The following HTT variants were observed in gnomAD, a reference collection of about 807,000 sequenced individuals.
HTT encodes huntingtin.
In HTT, 104 loss-of-function variants were observed where a neutral mutation model predicts 362.3. That is an observed-to-expected ratio of 0.29 (90% confidence interval 0.24 to 0.34). The LOEUF is 0.34. Ranked by LOEUF, HTT falls within the 10% of genes least tolerant of loss-of-function variation. The pLI is 1.00. For synonymous variants in HTT, 1,577 were observed against 1,548.7 expected (o/e 1.02, Z -0.43); for missense variants, 3,301 against 3,928.6 (o/e 0.84, Z 4.27).
rs1395807606 is a variant in HTT at position 3,215,148 on chromosome 4, A to G, written c.6991A>G (p.Arg2331Gly). 2 of 1,614,208 alleles carry G rather than the reference A, an allele frequency of 1.2e-6. No individual in the cohort carries two copies. Among genetic ancestry groups the G allele is most frequent in the Middle Eastern group, 1.6e-4 (1 of 6,062 alleles). Reference sequence around the variant, plus strand: ...TGGAGAGCAGCTTCTTAGTCCAGAAAGAAGGACAAATACCCCAAAAGCCAT... The same window carrying G: ...TGGAGAGCAGCTTCTTAGTCCAGAAGGAAGGACAAATACCCCAAAAGCCAT... ...QPGEQLLSPE[R>G]RTNTPKAISE... Residue 2331 changes from arginine (R) to glycine (G), a missense_variant, in exon 51 of 67, where the codon AGA (arginine) becomes GGA (glycine). Physicochemically the swap from Arg to Gly is moderately radical, Grantham distance 125. Around this residue, in one of 4 missense-constraint regions of HTT, gnomAD observed 220 missense variants for 218.5 expected, o/e 1.01. Transcript: ENST00000355072.
At chr4:3,119,769 C>T (rs918042710) in intron 8 of HTT, among the ~76,000 whole-genome samples, 3 of 152,084 alleles carry the variant, frequency 2.0e-5, no homozygotes, top group Non-Finnish European at 2.9e-5. Context: ...GTGCTGATTT[C>T]CTTATTACAT....
At chr4:3,116,569 T>A (rs368912641) in intron 8 of HTT, among the ~76,000 whole-genome samples, 1 of 152,230 alleles carries the variant, frequency 6.6e-6, no homozygotes, top group East Asian at 1.9e-4. Context: ...AAATACTGAT[T>A]GAGCACCCAC....
At chr4:3,090,649 C>T (rs1235636314) in intron 2 of HTT, among the ~76,000 whole-genome samples, 1 of 152,094 alleles carries the variant, frequency 6.6e-6, no homozygotes, top group Non-Finnish European at 1.5e-5. Context: ...GTTAATGTTT[C>T]TGAAAGATAT....
rs363125 is a variant in HTT, at chr4:3,187,820, C to A, written c.5159C>A (p.Thr1720Asn). 191,992 of 1,611,318 alleles carry A rather than the reference C, an allele frequency of 0.12. 16,012 individuals carry two copies. Among genetic ancestry groups the A allele is most frequent in the African/African-American group, 0.43 (32,352 of 74,772 alleles). The change falls in exon 39 of 67, where the codon ACT becomes AAT. Residue 1720 changes from threonine (T) to asparagine (N), a missense_variant. By Grantham distance (65) the Thr-to-Asn change is moderately conservative. Coordinates refer to ENST00000355072, the MANE Select transcript of HTT (RefSeq NM_001388492.1). ...VINRLRDGDS[T>N]STLEEHSEGK... ...AATAGGTTAAGAGATGGGGACAGTA[C>A]TTCAACGCTAGAAGAACACAGTGAA...
At chr4:3,161,783 C>T (rs1191228667) in intron 29 of HTT, among the ~76,000 whole-genome samples, 9 of 151,458 alleles carry the variant, frequency 5.9e-5, no homozygotes, top group East Asian at 3.9e-4. Context: ...GCTTTTTTTT[C>T]GTAAATTTGT....
intron 15 of HTT, 78 bp from the exon 16 acceptor site, chr4:3,131,560 G>C (rs1339501092): frequency 5.7e-6 from 9 of 1,578,930 alleles, no homozygotes; most frequent in Middle Eastern, 1.7e-4. Flanking sequence ...GAGCAGGTAG[G>C]TTATTGGGTC....
intron 1 of HTT, among the ~76,000 whole-genome samples, chr4:3,075,902 A>G (rs1712523750): frequency 1.3e-5 from 2 of 152,174 alleles, no homozygotes; most frequent in African/African-American, 4.8e-5. Context: ...TAATGAAATT[A>G]TCTTAAATAT....
Position 3,228,491 on chromosome 4 carries a change from C to T in HTT, c.7849-124C>T, listed in dbSNP as rs920579361. 15 of 1,139,718 alleles carry T rather than the reference C, an allele frequency of 1.3e-5. No homozygotes were observed. Among genetic ancestry groups the T allele is most frequent in the Admixed American group, 2.7e-5 (1 of 37,076 alleles). 70.6% of individuals were successfully genotyped at this position (1,139,718 alleles called of 1,614,324 possible). On this transcript the variant is annotated intron_variant, in intron 57 of 66. Coordinates refer to ENST00000355072, the MANE Select transcript of HTT (RefSeq NM_001388492.1). The surrounding 1 kb of genome is among the most constrained non-coding windows in gnomAD (Gnocchi z 4.3). ...TTGCCCGTAACCTGGGGTGTCTGAA[C>T]GACCCTTGCTAAGGGGCAGACTGTT...
rs1411455024 is a variant in HTT at position 3,218,632 on chromosome 4, CAA to C, written c.7242+691_7242+692del. 7.3e-6 allele frequency among the ~76,000 whole-genome samples: 1 copy of C among 136,300 alleles called. No homozygotes were observed. The highest frequency in any genetic ancestry group is 7.4e-5 in the Admixed American group (1 of 13,580). The allele number at this position is 136,300 out of a possible 152,430, so 89.4% of individuals were successfully genotyped here. A position where few individuals can be genotyped will look rare whatever the true frequency, so the allele number is the denominator to read the frequency against. On this transcript the variant is annotated intron_variant, in intron 52 of 66. Transcript: ENST00000355072. This position sits in a 1 kb window ranked among gnomAD's most constrained non-coding sequence, Gnocchi z 4.4. Reference sequence around the variant, plus strand: ...TGGGCAACAGAGCAAGACTCCGTCTCAAAAAAAAAAAAGGTAGGTGTTATTGA... The same window carrying C: ...TGGGCAACAGAGCAAGACTCCGTCTCAAAAAAAAAAGGTAGGTGTTATTGA...
chr4:3,175,314 C>T (rs552217156), intron 33 of HTT, among the ~76,000 whole-genome samples: 11 of 152,348 alleles, frequency 7.2e-5, no homozygotes, highest in African/African-American at 2.6e-4. Flanking sequence ...CCCCAGCTCC[C>T]TGGACTCAAG....
chr4:3,222,403 T>G lies in HTT; in HGVS notation c.7386T>G (p.Thr2462=). 1 of 1,614,092 alleles carries G rather than the reference T, an allele frequency of 6.2e-7. No individual in the cohort carries two copies. Residue 2462 remains threonine (T), a synonymous_variant, in exon 54 of 67, where the codon ACT becomes ACG. Coordinates refer to ENST00000355072, the MANE Select transcript of HTT (RefSeq NM_001388492.1). ...RINTLGWTSR[T]QFEETWATLL... ...TATTTCTAGGCTGGACCAGTCGTACTCAGTTTGAAGAAACTTGGGCCACCC... is the reference window on the plus strand; with the variant it reads ...TATTTCTAGGCTGGACCAGTCGTACGCAGTTTGAAGAAACTTGGGCCACCC...
chr4:3,188,690 G>A (rs1718880821), intron 39 of HTT: 1 of 303,244 alleles, frequency 3.3e-6, no homozygotes, highest in Non-Finnish European at 6.1e-6. Context: ...CAGATGATCA[G>A]CTTGTATTTG....
chr4:3,104,511 A>C (rs1182919291), intron 4 of HTT, among the ~76,000 whole-genome samples: 1 of 151,858 alleles, frequency 6.6e-6, no homozygotes, highest in Admixed American at 6.6e-5. Context: ...CGGGAGGCTG[A>C]GGTAGGGGAA....
At chr4:3,232,793 G>A (rs992277572) in intron 60 of HTT, among the ~76,000 whole-genome samples, 4 of 152,222 alleles carry the variant, frequency 2.6e-5, no homozygotes, top group Non-Finnish European at 5.9e-5. Flanking sequence ...GTGCAGTGTC[G>A]TCGCCAGGAA....
At chr4:3,111,339 G>A (rs1370564668) in intron 6 of HTT, among the ~76,000 whole-genome samples, 1 of 151,982 alleles carries the variant, frequency 6.6e-6, no homozygotes, top group Non-Finnish European at 1.5e-5. Context: ...GATTACAGGT[G>A]TGCACCACCA....
chr4:3,118,661 C>T (rs1177740871), intron 8 of HTT, among the ~76,000 whole-genome samples: 1 of 152,016 alleles, frequency 6.6e-6, no homozygotes, highest in Non-Finnish European at 1.5e-5. Flanking sequence ...CATTTGTGAA[C>T]AGATCGAAAC....
intron 38 of HTT, 118 bp downstream of exon 38, chr4:3,186,837 GC>G (rs1718782385): frequency 2.3e-4 from 89 of 380,534 alleles, no homozygotes; most frequent in South Asian, 8.0e-4. Flanking sequence ...TTGAGAGTTT[GC>G]TTTTTTTTTT....
intron 26 of HTT, among the ~76,000 whole-genome samples, chr4:3,152,644 G>A (rs2110210231): frequency 6.6e-6 from 1 of 152,126 alleles, no homozygotes; most frequent in South Asian, 2.1e-4. Flanking sequence ...CAGTCAGTGA[G>A]CTTGTGACTG....
At chr4:3,118,513 T>C (rs75523315) in intron 8 of HTT, among the ~76,000 whole-genome samples, 2,496 of 152,230 alleles carry the variant, frequency 0.016, 63 homozygotes, top group African/African-American at 0.052. Context: ...TGGTCTTTGC[T>C]AAGTCCCAGG....
Sources: allele counts gnomAD v4.1 joint callset (sites outside exome capture counted in the v4.1 genomes callset), GRCh38; gene constraint gnomAD v4.1.1; regional missense constraint gnomAD v4.1.1; non-coding constraint Gnocchi (gnomAD v3.1); transcripts MANE v1.5; gene names NCBI Gene and HGNC (gene_info 2026-07-23, HGNC 2026-07-21).